Variants in DDX6 observed in about 807,000 individuals in gnomAD.
DDX6 encodes DEAD-box helicase 6, also known as probable ATP-dependent RNA helicase DDX6.
A neutral mutation model predicts 60.6 loss-of-function variants in DDX6; 7 were observed. That is an observed-to-expected ratio of 0.12 (90% CI 0.07 to 0.22). DDX6 has a LOEUF of 0.22. Ranked by LOEUF, DDX6 falls within the 10% of genes least tolerant of loss-of-function variation. DDX6 has a pLI of 1.00. For synonymous variants in DDX6, 207 were observed against 201.0 expected, an observed-to-expected ratio of 1.03 and a Z score of -0.25; for missense variants, 270 against 589.9, an observed-to-expected ratio of 0.46 and a Z score of 5.62.
intron 4 of DDX6, among the ~76,000 whole-genome samples, chr11:118,773,846 C>G (rs377523960): frequency 6.8e-5 from 10 of 147,420 alleles, no homozygotes; most frequent in Admixed American, 4.1e-4. Context: ...AAAAAGAAAA[C>G]AAAACAAAAC....
chr11:118,764,804 CAAA>C (rs782383956), intron 6 of DDX6, among the ~76,000 whole-genome samples: 3 of 91,092 alleles, frequency 3.3e-5, no homozygotes, highest in Non-Finnish European at 6.7e-5. Context: ...ACTCCATCTC[CAAA>C]AAAAAAAAAA....
intron 2 of DDX6, among the ~76,000 whole-genome samples, chr11:118,783,742 G>A (rs1861978826): frequency 7.1e-6 from 1 of 141,000 alleles, no homozygotes; most frequent in Non-Finnish European, 1.5e-5. Flanking sequence ...AGGAGGTGCA[G>A]GTTGCAGTGA....
intron 5 of DDX6, chr11:118,767,492 C>T (rs1555161474): frequency 1.3e-5 from 2 of 152,104 alleles, no homozygotes; most frequent in Non-Finnish European, 2.9e-5. Context: ...CTTAAAATCC[C>T]AAAATCCACA....
chr11:118,785,787 T>C (rs1862054563), intron 2 of DDX6: 1 of 321,710 alleles, frequency 3.1e-6, no homozygotes, highest in East Asian at 5.3e-5. Flanking sequence ...TTTACACTAA[T>C]TATGAAAGCC....
Position 118,786,150 on chromosome 11 carries a change from C to T in DDX6, c.102G>A (p.Gly34=). Residue 34 remains glycine, a synonymous_variant, in exon 2 of 14, where the codon GGG becomes GGA. Coordinates refer to ENST00000534980, the MANE Select transcript of DDX6 (RefSeq NM_004397.6). ...PVKPTGGPGG[G]GTQTQQQMNQ... is the part of the protein sequence containing the mutation. Reference sequence around the variant, plus strand: ...TCATCTGTTGCTGTGTCTGTGTGCCCCCTCCTCCAGGGCCACCAGTGGGTT... The same window carrying T: ...TCATCTGTTGCTGTGTCTGTGTGCCTCCTCCTCCAGGGCCACCAGTGGGTT... 6.2e-7 allele frequency: 1 copy of T among 1,613,842 alleles called. No individual in the cohort carries two copies. Among genetic ancestry groups the T allele is most frequent in the Non-Finnish European group, 8.5e-7 (1 of 1,179,842 alleles).
chr11:118,768,061 A>T, intron 5 of DDX6, 162 bp downstream of exon 5: 1 of 647,088 alleles, frequency 1.5e-6, no homozygotes, highest in Admixed American at 3.3e-5. Flanking sequence ...ATCATTTTTA[A>T]TAAAAAGACC....
chr11:118,781,043 C>T (rs1313775895), intron 3 of DDX6, 78 bp downstream of exon 3: 1 of 985,978 alleles, frequency 1.0e-6, no homozygotes, highest in African/African-American at 1.6e-5. Context: ...AACCAATTCC[C>T]TCCAGATACC....
intron 2 of DDX6, among the ~76,000 whole-genome samples, chr11:118,785,592 G>GACCA (rs1426518248): frequency 6.6e-6 from 1 of 151,768 alleles, no homozygotes; most frequent in Non-Finnish European, 1.5e-5. Context: ...ATAATGCTTG[G>GACCA]AGTTCAGAAG....
At chr11:118,770,814 G>C (rs1555162367) in intron 4 of DDX6, among the ~76,000 whole-genome samples, 1 of 151,590 alleles carries the variant, frequency 6.6e-6, no homozygotes, top group South Asian at 2.1e-4. Flanking sequence ...CCCAGGAGGA[G>C]GAGGTTGCAG....
chr11:118,750,680 A>C lies in DDX6; in HGVS notation c.*1425T>G, dbSNP rs1165665482. ...GACACTGCCACTCAATAGAATTCCTACACTGCAAGGTAGATTAATCTTTGC... is the reference window on the plus strand; with the variant it reads ...GACACTGCCACTCAATAGAATTCCTCCACTGCAAGGTAGATTAATCTTTGC... On this transcript the variant is annotated 3_prime_UTR_variant, in exon 14 of 14. Coordinates refer to ENST00000534980, the MANE Select transcript of DDX6 (RefSeq NM_004397.6). The C allele has an allele frequency of 4.6e-5, 7 of 152,170 alleles. No individual in the cohort carries two copies. Among genetic ancestry groups the C allele is most frequent in the African/African-American group, 1.7e-4 (7 of 41,436 alleles). The allele number at this position is 152,170 out of a possible 1,614,324, so 9.4% of individuals were successfully genotyped here.
intron 5 of DDX6, among the ~76,000 whole-genome samples, chr11:118,766,506 T>G (rs912705320): frequency 3.9e-5 from 6 of 152,180 alleles, no homozygotes; most frequent in African/African-American, 1.4e-4. Flanking sequence ...AACTCAAATG[T>G]ACAAATCTCT....
At chr11:118,764,835 C>CACACACACACACACACACAG (rs1276508733) in intron 6 of DDX6, among the ~76,000 whole-genome samples, 15 of 150,424 alleles carry the variant, frequency 1.0e-4, no homozygotes, top group African/African-American at 3.2e-4. Flanking sequence ...CACACACACA[C>CACACACACACACACACACAG]ACATTATATA....
At chr11:118,760,996 T>A (rs547845216) in intron 7 of DDX6, among the ~76,000 whole-genome samples, 53 of 152,002 alleles carry the variant, frequency 3.5e-4, no homozygotes, top group African/African-American at 1.2e-3. Flanking sequence ...AAAAATTAGC[T>A]GTGCACAGTG....
intron 10 of DDX6, among the ~76,000 whole-genome samples, chr11:118,756,657 G>A (rs1188066832): frequency 3.3e-5 from 5 of 152,188 alleles, no homozygotes; most frequent in Admixed American, 2.6e-4. Flanking sequence ...CAGCTGAGGG[G>A]CCATATTTAA....
intron 13 of DDX6, among the ~76,000 whole-genome samples, chr11:118,752,478 T>G (rs1250603646): frequency 2.0e-5 from 3 of 152,138 alleles, no homozygotes; most frequent in Non-Finnish European, 4.4e-5. Flanking sequence ...TAAAAATTAT[T>G]TAAGTAACAA....
chr11:118,749,878 A>G lies in DDX6; in HGVS notation c.*2227T>C, dbSNP rs1308965981. On this transcript the variant is annotated 3_prime_UTR_variant, in exon 14 of 14. Coordinates refer to ENST00000534980, the MANE Select transcript of DDX6 (RefSeq NM_004397.6). ...AACCAACATTGACTGGACAGAAAAT[A>G]TGAGGCTTGGGTTCCAAATAGATGA... 6.6e-6 allele frequency: 1 copy of G among 152,568 alleles called. No homozygotes were observed. 9.5% of individuals were successfully genotyped at this position (152,568 alleles called of 1,614,324 possible).
rs1483140416 is a variant in DDX6, at chr11:118,756,021, C to CA, written c.1174+238_1174+239insT. On this transcript the variant is annotated intron_variant, in intron 11 of 13. Transcript: ENST00000534980. ...TGACAAAGATTCCATCCCCCTCCCC[C>CA]CCCCCCCCAAAAAAAAGACAGAGAT... Among the ~76,000 whole-genome samples, 5 of 121,360 alleles carry CA rather than the reference C, an allele frequency of 4.1e-5. 1 individual carries two copies. The highest frequency in any genetic ancestry group is 6.4e-5 in the African/African-American group (2 of 31,248). The allele number at this position is 121,360 out of a possible 152,430, so 79.6% of individuals were successfully genotyped here.
chr11:118,752,809 C>T (rs1403384310), intron 13 of DDX6, among the ~76,000 whole-genome samples: 4 of 151,968 alleles, frequency 2.6e-5, no homozygotes, highest in African/African-American at 9.7e-5. Flanking sequence ...ATGATAGAGG[C>T]AGGGCGTGGT....
chr11:118,790,741 T>TTCC (rs1489992122), intron 1 of DDX6: 2 of 152,774 alleles, frequency 1.3e-5, no homozygotes, highest in Non-Finnish European at 2.9e-5. Context: ...GCCGACCGCC[T>TTCC]TCCTCCCCAG....
Sources: allele counts gnomAD v4.1 joint callset (sites outside exome capture counted in the v4.1 genomes callset), GRCh38; gene constraint gnomAD v4.1.1; transcripts MANE v1.5; gene names NCBI Gene and HGNC (gene_info 2026-07-23, HGNC 2026-07-21).